Variants in USP42 observed in about 807,000 individuals in gnomAD.
The protein encoded by USP42 is ubiquitin carboxyl-terminal hydrolase 42.
Under a neutral mutation model 113.0 loss-of-function variants are expected in USP42, and 23 were observed. The ratio of observed to expected loss-of-function variants is 0.20; its 90% CI spans 0.15 to 0.29. The LOEUF (loss-of-function observed/expected upper bound fraction) is 0.29. Ranked by LOEUF, USP42 falls within the 10% of genes least tolerant of loss-of-function variation. The pLI, the probability that USP42 is intolerant of heterozygous loss-of-function variation, is 1.00. For synonymous variants in USP42, 933 were observed against 699.0 expected (o/e 1.33, Z -5.28); for missense variants, 2,174 against 1,779.8 (o/e 1.22, Z -3.99).
In USP42 at chr7:6,154,484, G is replaced by A. The variant is rs762249719; in HGVS notation, c.2930G>A (p.Arg977His). ...AGCAGGAGCAAGACTGAGGGCCACC[G>A]TCACCGGCGGCGCCGCACCTGCCCC... Reference protein sequence around the residue: ...RESRSKTEGHRHRRRRTCPRE... With the variant: ...RESRSKTEGHHHRRRRTCPRE... The change falls in exon 15 of 18, where the codon CGT (arginine) becomes CAT (histidine). Residue 977 changes from arginine (R) to histidine (H), a missense_variant. Arg to His is a conservative substitution (Grantham distance 29). Coordinates refer to ENST00000306177, the MANE Select transcript of USP42 (RefSeq NM_032172.3). 5.8e-6 allele frequency: 9 copies of A among 1,549,164 alleles called. No homozygotes were observed. In the Admixed American group the frequency reaches 9.8e-5, roughly 17 times the overall value.
At chr7:6,105,930 C>A (rs984749780) in intron 1 of USP42, among the ~76,000 whole-genome samples, 2 of 152,282 alleles carry the variant, frequency 1.3e-5, no homozygotes, top group African/African-American at 4.8e-5. Context: ...AAAGTCAATA[C>A]CCTGACAGCA....
At chr7:6,142,738 T>C (rs1781503058) in intron 7 of USP42, among the ~76,000 whole-genome samples, 194 bp from the exon 8 acceptor site, 1 of 151,842 alleles carries the variant, frequency 6.6e-6, no homozygotes, top group African/African-American at 2.4e-5. Flanking sequence ...ATGAAAAATT[T>C]AGCTGGGCAT....
the USP42 span, among the ~76,000 whole-genome samples, chr7:6,093,816 T>C: frequency 6.0e-5 from 9 of 151,096 alleles, no homozygotes; most frequent in African/African-American, 2.2e-4. Flanking sequence ...TCATAGTGGT[T>C]GTAAAATCTA....
At chr7:6,085,625 T>TA in the USP42 span, among the ~76,000 whole-genome samples, 977 of 124,284 alleles carry the variant, frequency 7.9e-3, 50 homozygotes, top group African/African-American at 0.029. Flanking sequence ...TATATATATA[T>TA]TTTTTTTGAG....
chr7:6,142,194 A>G (rs1583653059), intron 7 of USP42, among the ~76,000 whole-genome samples: 1 of 151,154 alleles, frequency 6.6e-6, no homozygotes, highest in Admixed American at 6.6e-5. Flanking sequence ...ACATCATACT[A>G]CTAAATGAAA....
At chr7:6,083,285 T>C in the USP42 span, among the ~76,000 whole-genome samples, 1 of 148,134 alleles carries the variant, frequency 6.8e-6, no homozygotes, top group Non-Finnish European at 1.5e-5. Context: ...AGATACAGTC[T>C]AGCGCTGTGG....
At chr7:6,116,414 G>A (rs972194017) in intron 3 of USP42, 9 of 168,590 alleles carry the variant, frequency 5.3e-5, no homozygotes, top group South Asian at 4.1e-4. Flanking sequence ...TGGAACATCC[G>A]TTTTTGAGGT....
intron 3 of USP42, 29 bp from the exon 4 acceptor site, chr7:6,135,812 A>G (rs1781110804): frequency 1.3e-6 from 2 of 1,486,522 alleles, no homozygotes; most frequent in Non-Finnish European, 1.8e-6. Context: ...GTATTTTGCT[A>G]ATTTGGAGGA....
In USP42 at chr7:6,154,058, C is replaced by G. The variant is rs758007295; in HGVS notation, c.2504C>G (p.Ala835Gly). ...GATGCGAGCCCGTTGTCCCAGGACG[C>G]AAAGGGGATGATCGCGGAGGGCCCG... is the stretch of plus-strand genomic sequence containing the variant. ...TGDASPLSQDAKGMIAEGPRD... is the reference protein window; with the variant it reads ...TGDASPLSQDGKGMIAEGPRD... The change falls in exon 15 of 18, where the codon GCA (alanine) becomes GGA (glycine). Residue 835 changes from alanine to glycine, a missense_variant. Physicochemically the swap from Ala to Gly is moderately conservative, Grantham distance 60 (BLOSUM62 0). Transcript: ENST00000306177. 1.3e-5 allele frequency: 21 copies of G among 1,606,094 alleles called. No homozygotes were observed. The highest frequency in any genetic ancestry group is 4.4e-5 in the South Asian group (4 of 91,042).
At chr7:6,123,256 G>T (rs1448322817) in intron 3 of USP42, among the ~76,000 whole-genome samples, 5 of 152,214 alleles carry the variant, frequency 3.3e-5, no homozygotes, top group African/African-American at 1.2e-4. Flanking sequence ...GGGCATGATG[G>T]CTCATGCCTG....
Position 6,111,603 on chromosome 7 carries a change from AT to A in USP42, c.241+246del, listed in dbSNP as rs1201458342. Reference sequence around the variant, plus strand: ...AATATTATTAGTTTCTTTTATTCCAATTTTTTTTTTTTTTTTTGAGACGGAG... The same window carrying A: ...AATATTATTAGTTTCTTTTATTCCAATTTTTTTTTTTTTTTTGAGACGGAG... On this transcript the variant is annotated intron_variant, in intron 2 of 17. Transcript: ENST00000306177. 2.0e-3 allele frequency among the ~76,000 whole-genome samples: 275 copies of A among 137,828 alleles called. 1 individual carries two copies. The highest frequency in any genetic ancestry group is 0.017 in the South Asian group (74 of 4,392). 90.4% of individuals were successfully genotyped at this position (137,828 alleles called of 152,430 possible).
the USP42 span, among the ~76,000 whole-genome samples, chr7:6,083,332 T>A: frequency 6.7e-6 from 1 of 149,936 alleles, no homozygotes; most frequent in Admixed American, 6.7e-5. Context: ...CTTGGCTCAC[T>A]GCAACCTCTG....
chr7:6,087,157 G>A, the USP42 span, among the ~76,000 whole-genome samples: 7 of 149,458 alleles, frequency 4.7e-5, no homozygotes, highest in African/African-American at 1.3e-4. Flanking sequence ...TCAGCCTCCC[G>A]AGTAGCTGGG....
Position 6,139,084 on chromosome 7 carries a change from T to A in USP42, c.554-8T>A. On this transcript the variant is annotated splice_polypyrimidine_tract_variant and splice_region_variant and intron_variant, in intron 4 of 17. Coordinates refer to ENST00000306177, the MANE Select transcript of USP42 (RefSeq NM_032172.3). The surrounding 1 kb of genome is among the most constrained non-coding windows in gnomAD (Gnocchi z 4.5). ...TGATAAAGCCTTGTCTTTACCGAAA[T>A]TTTACAGGTATAGCTAGGCACTTCC... The A allele has an allele frequency of 6.3e-7, 1 of 1,594,734 alleles. No individual in the cohort carries two copies. Among genetic ancestry groups the A allele is most frequent in the Non-Finnish European group, 8.5e-7 (1 of 1,169,996 alleles).
chr7:6,147,767 C>T lies in USP42; in HGVS notation c.1261C>T (p.Leu421Phe). 1.9e-6 allele frequency: 3 copies of T among 1,593,600 alleles called. No homozygotes were observed. The highest frequency in any genetic ancestry group is 2.6e-6 in the Non-Finnish European group (3 of 1,166,106). The change falls in exon 12 of 18, where the codon CTT becomes TTT. Residue 421 changes from leucine (L) to phenylalanine (F), a missense_variant. Leu to Phe is a conservative substitution (Grantham distance 22, BLOSUM62 0). Coordinates refer to ENST00000306177, the MANE Select transcript of USP42 (RefSeq NM_032172.3). The stretch of plus-strand genomic sequence containing the variant: ...CCATGATGTGAAAAATGGAGGTGAA[C>T]TTACTCATCCCACCCATAGCCCCGG... ...RSHDVKNGGE[L>F]THPTHSPGQS...
the USP42 span, among the ~76,000 whole-genome samples, chr7:6,087,459 C>T: frequency 6.7e-6 from 1 of 149,572 alleles, no homozygotes; most frequent in South Asian, 2.1e-4. Flanking sequence ...ACCTCAGCCT[C>T]CTGAGTAGCT....
chr7:6,105,072 T>G (rs1009530622), intron 1 of USP42, 40 bp downstream of exon 1: 1 of 147,300 alleles, frequency 6.8e-6, no homozygotes, highest in African/African-American at 2.5e-5. Flanking sequence ...CAGGCCGGCA[T>G]GGGGCCCGCG....
At chr7:6,129,012 A>T (rs1780695157) in intron 3 of USP42, among the ~76,000 whole-genome samples, 1 of 151,904 alleles carries the variant, frequency 6.6e-6, no homozygotes, top group South Asian at 2.1e-4. Context: ...GGGTTTCACC[A>T]TGTTGCCCAG....
At chr7:6,147,546 G>C (rs575042219) in intron 11 of USP42, among the ~76,000 whole-genome samples, 193 bp from the exon 12 acceptor site, 13 of 152,356 alleles carry the variant, frequency 8.5e-5, no homozygotes, top group Admixed American at 6.5e-4. Context: ...AGTTATCCTT[G>C]TTGTCTCCTG....
Sources: gnomAD v4.1 joint callset for allele counts (sites outside exome capture counted in the v4.1 genomes callset) on GRCh38, gnomAD v4.1.1 for gene constraint, Gnocchi (gnomAD v3.1) non-coding constraint, MANE v1.5 for transcripts, NCBI Gene and HGNC (gene_info 2026-07-23, HGNC 2026-07-21) for gene names.